The following PCDHGB1 variants were observed in gnomAD, a reference collection of about 807,000 sequenced individuals.
PCDHGB1 encodes protocadherin gamma subfamily B, 1, also known as protocadherin gamma-B1.
In PCDHGB1, 34 loss-of-function variants were observed where a neutral mutation model predicts 56.6. The ratio of observed to expected loss-of-function variants is 0.60; its 90% CI spans 0.46 to 0.80. The LOEUF (loss-of-function observed/expected upper bound fraction) is 0.80, where lower values mean the gene tolerates loss of function less well. Ranked by LOEUF, PCDHGB1 falls within the 30% of genes least tolerant of loss-of-function variation. The pLI is 0.00. For synonymous variants in PCDHGB1, 561 were observed against 505.9 expected, an observed-to-expected ratio of 1.11 and a Z score of -1.46; for missense variants, 1,278 against 1,204.6, an observed-to-expected ratio of 1.06 and a Z score of -0.90.
chr5:141,446,532 A>G (rs1443843436), intron 1 of PCDHGB1, among the ~76,000 whole-genome samples: 1 of 151,788 alleles, frequency 6.6e-6, no homozygotes, highest in Non-Finnish European at 1.5e-5. Flanking sequence ...GCTGGAGTGC[A>G]GTGGCCCTAT....
chr5:141,394,608 G>A lies in PCDHGB1; in HGVS notation c.2409+41939G>A, dbSNP rs749049825. 15 of 1,613,420 alleles carry A rather than the reference G, an allele frequency of 9.3e-6. No homozygotes were observed. The African/African-American group carries it at 1.9e-4, about 20-fold the overall frequency. ...GGTGGTGGCGGTGGACAGAGACTCGGGCCAGAACGCCTGGCTGTCCTACCG... is the reference window on the plus strand; with the variant it reads ...GGTGGTGGCGGTGGACAGAGACTCGAGCCAGAACGCCTGGCTGTCCTACCG... On this transcript the variant is annotated intron_variant, in intron 1 of 3. Transcript: ENST00000523390.
Position 141,476,214 on chromosome 5 carries a change from T to C in PCDHGB1, c.2410-18593T>C, listed in dbSNP as rs768153063. 1 of 1,613,974 alleles carries C rather than the reference T, an allele frequency of 6.2e-7. No homozygotes were observed. Among genetic ancestry groups the C allele is most frequent in the African/African-American group, 1.3e-5 (1 of 74,990 alleles). ...GCCTTGAACAAGGCTTCCACGGTCA[T>C]TCACTATGAGATCCCGGAGGAAAGA... On this transcript the variant is annotated intron_variant, in intron 1 of 3. Coordinates refer to ENST00000523390, the MANE Select transcript of PCDHGB1 (RefSeq NM_018922.3). The surrounding 1 kb of genome is among the most constrained non-coding windows in gnomAD (Gnocchi z 7.6).
At position 141,383,756 on chromosome 5, in the gene PCDHGB1, C is replaced by T. The variant is rs62620755; in HGVS notation, c.2409+31087C>T. 6.8e-6 allele frequency: 11 copies of T among 1,613,838 alleles called. No homozygotes were observed. Among genetic ancestry groups the T allele is most frequent in the East Asian group, 2.2e-5 (1 of 44,890 alleles). ...ACATATTCTTTTCGGAAAATAACTC[C>T]TAAACTTCCAAAGATGTTTCATCTG... On this transcript the variant is annotated intron_variant, in intron 1 of 3. Coordinates refer to ENST00000523390, the MANE Select transcript of PCDHGB1 (RefSeq NM_018922.3).
At chr5:141,365,292 C>T in intron 1 of PCDHGB1, 1 of 1,614,002 alleles carries the variant, frequency 6.2e-7, no homozygotes, top group Non-Finnish European at 8.5e-7. Flanking sequence ...GAAGTGGTAG[C>T]TCAGGATGGA....
chr5:141,431,194 T>C lies in PCDHGB1; in HGVS notation c.2410-63613T>C. On this transcript the variant is annotated intron_variant, in intron 1 of 3. Coordinates refer to ENST00000523390, the MANE Select transcript of PCDHGB1 (RefSeq NM_018922.3). The surrounding 1 kb of genome is among the most constrained non-coding windows in gnomAD (Gnocchi z 4.8). ...AATTAGAAATAAAAATTAGTGAAAA[T>C]GCAGCCACTGAGATGCGGTTCCCTC... The C allele has an allele frequency of 6.2e-7, 1 of 1,614,124 alleles. No homozygotes were observed.
At chr5:141,377,829 C>T (rs970459356) in intron 1 of PCDHGB1, 2 of 152,110 alleles carry the variant, frequency 1.3e-5, no homozygotes, top group South Asian at 2.1e-4. Context: ...CAGTTACAAT[C>T]GCCATTATCT....
chr5:141,389,182 G>T, intron 1 of PCDHGB1: 1 of 1,614,032 alleles, frequency 6.2e-7, no homozygotes, highest in Non-Finnish European at 8.5e-7. Flanking sequence ...CTCTCCTCCA[G>T]TTCCAGCATC....
chr5:141,360,623 G>A, intron 1 of PCDHGB1: 1 of 1,613,970 alleles, frequency 6.2e-7, no homozygotes, highest in African/African-American at 1.3e-5. Flanking sequence ...TCAGATGTTG[G>A]TCCTAACTCA....
intron 1 of PCDHGB1, chr5:141,389,322 G>A: frequency 6.2e-7 from 1 of 1,613,984 alleles, no homozygotes; most frequent in East Asian, 2.2e-5. Flanking sequence ...TCCGGACTTG[G>A]GGCCCAACGG....
intron 1 of PCDHGB1, among the ~76,000 whole-genome samples, chr5:141,473,191 G>C (rs28479996): frequency 6.6e-6 from 1 of 152,134 alleles, no homozygotes; most frequent in South Asian, 2.1e-4. Flanking sequence ...AGGAGTAAAT[G>C]TATCTTCTAA....
In PCDHGB1 at chr5:141,423,756, G is replaced by A. The variant is rs544048105; in HGVS notation, c.2410-71051G>A. 1.6e-5 allele frequency: 7 copies of A among 448,620 alleles called. 1 individual carries two copies. Among genetic ancestry groups the A allele is most frequent in the Non-Finnish European group, 2.1e-5 (7 of 329,706 alleles). 27.8% of individuals were successfully genotyped at this position (448,620 alleles called of 1,614,324 possible). A position where few individuals can be genotyped will look rare whatever the true frequency, so the allele number is the denominator to read the frequency against. ...GCCTGTTATGAAAACTGTTTGGGGG[G>A]GGGGTGGGGCGGCATATATTTAGTT... On this transcript the variant is annotated intron_variant, in intron 1 of 3. Coordinates refer to ENST00000523390, the MANE Select transcript of PCDHGB1 (RefSeq NM_018922.3).
At chr5:141,499,186 T>A (rs1332703037) in intron 2 of PCDHGB1, among the ~76,000 whole-genome samples, 2 of 152,036 alleles carry the variant, frequency 1.3e-5, no homozygotes, top group Non-Finnish European at 2.9e-5. Context: ...AGCAAACCAT[T>A]TCCCCCTTCT....
Position 141,446,243 on chromosome 5 carries a change from C to T in PCDHGB1, c.2410-48564C>T, listed in dbSNP as rs552551215. Among the ~76,000 whole-genome samples, 23 of 152,096 alleles carry T rather than the reference C, an allele frequency of 1.5e-4. 1 individual carries two copies. The South Asian group carries it at 4.6e-3, about 30-fold the overall frequency. On this transcript the variant is annotated intron_variant, in intron 1 of 3. Coordinates refer to ENST00000523390, the MANE Select transcript of PCDHGB1 (RefSeq NM_018922.3). ...TTGTGTTGCCTGGCAAGTGGTAGAT[C>T]TTCAGTGAAATATTATTAACTGAAT...
intron 1 of PCDHGB1, chr5:141,403,315 A>G (rs1268267002): frequency 6.2e-7 from 1 of 1,613,974 alleles, no homozygotes; most frequent in Non-Finnish European, 8.5e-7. Flanking sequence ...GAATAGAAAT[A>G]GAAGTAACTG....
At chr5:141,454,875 T>G (rs2098805612) in intron 1 of PCDHGB1, among the ~76,000 whole-genome samples, 1 of 144,402 alleles carries the variant, frequency 6.9e-6, no homozygotes, top group African/African-American at 2.6e-5. Context: ...TGGCACGATC[T>G]TGGCTCACTG....
At chr5:141,394,186 C>T (rs1412149852) in intron 1 of PCDHGB1, 7 of 1,613,792 alleles carry the variant, frequency 4.3e-6, no homozygotes, top group South Asian at 1.1e-5. Context: ...GCCTCCTACT[C>T]AGCGTATATC....
At chr5:141,406,043 A>G (rs1346440934) in intron 1 of PCDHGB1, among the ~76,000 whole-genome samples, 3 of 150,174 alleles carry the variant, frequency 2.0e-5, no homozygotes, top group East Asian at 3.9e-4. Context: ...CATTGGTTGC[A>G]GTGGACTCAT....
At chr5:141,392,357 C>T (rs980934647) in intron 1 of PCDHGB1, 1 of 152,638 alleles carries the variant, frequency 6.6e-6, no homozygotes, top group Admixed American at 6.5e-5. Flanking sequence ...TAATCCGATG[C>T]TACAATCTGA....
intron 1 of PCDHGB1, chr5:141,410,023 C>A: frequency 6.2e-7 from 1 of 1,613,310 alleles, no homozygotes; most frequent in South Asian, 1.1e-5. Context: ...TGTCCTACCA[C>A]GTGCTGCAGG....
Sources: gnomAD v4.1 joint callset for allele counts (sites outside exome capture counted in the v4.1 genomes callset) on GRCh38, gnomAD v4.1.1 for gene constraint, Gnocchi (gnomAD v3.1) non-coding constraint, MANE v1.5 for transcripts, NCBI Gene and HGNC (gene_info 2026-07-23, HGNC 2026-07-21) for gene names.